The following VPS13A variants were observed in gnomAD, a reference collection of about 807,000 sequenced individuals.
VPS13A encodes the protein intermembrane lipid transfer protein VPS13A.
VPS13A carries 264 observed loss-of-function variants against 390.9 expected under a neutral mutation model. The ratio of observed to expected loss-of-function variants is 0.68; its 90% CI spans 0.61 to 0.75. The LOEUF (loss-of-function observed/expected upper bound fraction) is 0.75. Ranked by LOEUF, VPS13A falls within the 30% of genes least tolerant of loss-of-function variation. The pLI is 0.00. For missense variants in VPS13A, 3,409 were observed against 3,733.9 expected (o/e 0.91, Z 2.27); for synonymous variants, 1,231 against 1,227.1 (o/e 1.00, Z -0.07).
At chr9:77,296,203 T>C (rs775590538) in intron 33 of VPS13A, among the ~76,000 whole-genome samples, 13 of 152,224 alleles carry the variant, frequency 8.5e-5, no homozygotes, top group Non-Finnish European at 1.6e-4. Flanking sequence ...ATTATCATCT[T>C]ATCTTCTCTG....
chr9:77,375,056 A>G (rs1024866873), intron 67 of VPS13A, among the ~76,000 whole-genome samples: 13 of 152,162 alleles, frequency 8.5e-5, no homozygotes, highest in African/African-American at 3.1e-4. Context: ...TTTAAGTTTC[A>G]TAAATATAAT....
chr9:77,238,145 A>G lies in VPS13A; in HGVS notation c.1739A>G (p.Gln580Arg). Residue 580 changes from glutamine (Q) to arginine (R), a missense_variant, in exon 18 of 72, where the codon CAG becomes CGG. Transcript: ENST00000360280. ...AATCCATTAGATGAAACTGTTTCTCAGAGGTGTATCATAGAAGCTGAACCT... is the reference window on the plus strand; with the variant it reads ...AATCCATTAGATGAAACTGTTTCTCGGAGGTGTATCATAGAAGCTGAACCT... ...EINPLDETVS[Q>R]RCIIEAEPLE... 1 of 1,613,840 alleles carries G rather than the reference A, an allele frequency of 6.2e-7. No individual in the cohort carries two copies. Among genetic ancestry groups the G allele is most frequent in the African/African-American group, 1.3e-5 (1 of 75,050 alleles).
intron 35 of VPS13A, among the ~76,000 whole-genome samples, chr9:77,311,270 C>T (rs1829060358): frequency 6.6e-6 from 1 of 152,156 alleles, no homozygotes; most frequent in Admixed American, 6.5e-5. Context: ...ACTGCCCACA[C>T]TCTGCTCTTC....
chr9:77,199,380 G>T (rs1205698822), intron 1 of VPS13A, among the ~76,000 whole-genome samples: 1 of 152,000 alleles, frequency 6.6e-6, no homozygotes, highest in Non-Finnish European at 1.5e-5. Context: ...TTACGATGGG[G>T]TTACATGTAA....
Position 77,353,397 on chromosome 9 carries a change from G to GTT in VPS13A, c.7420-9_7420-8dup. ...TTTTGGTTTTTTTTTTTTTTTGGTG[G>GTT]TTTTATTCTAGGATATGATGATGCC... On this transcript the variant is annotated splice_polypyrimidine_tract_variant and intron_variant, in intron 53 of 71. Transcript: ENST00000360280. The GTT allele has an allele frequency of 3.3e-6, 5 of 1,538,136 alleles. No individual in the cohort carries two copies. Among genetic ancestry groups the GTT allele is most frequent in the South Asian group, 1.2e-5 (1 of 80,396 alleles).
chr9:77,373,073 C>T (rs1473259939), intron 67 of VPS13A, among the ~76,000 whole-genome samples: 5 of 152,108 alleles, frequency 3.3e-5, no homozygotes, highest in Admixed American at 1.3e-4. Context: ...AGGTAATTTA[C>T]AGATTCAGTG....
chr9:77,417,568 T>TTCTC lies in VPS13A; in HGVS notation c.*1564_*1567dup. 6.6e-6 allele frequency: 1 copy of TTCTC among 152,312 alleles called. No homozygotes were observed. Among genetic ancestry groups the TTCTC allele is most frequent in the Admixed American group, 6.5e-5 (1 of 15,294 alleles). The allele number at this position is 152,312 out of a possible 1,614,324, so 9.4% of individuals were successfully genotyped here. On this transcript the variant is annotated 3_prime_UTR_variant, in exon 72 of 72. Coordinates refer to ENST00000360280, the MANE Select transcript of VPS13A (RefSeq NM_033305.3). ...TTAAAAAAAAAAAAAAGTGCTTATT[T>TTCTC]TCTCTGTCGCTAAGCTCCTCCAGTT... is the stretch of plus-strand genomic sequence containing the variant.
chr9:77,368,098 G>T lies in VPS13A; in HGVS notation c.8515G>T (p.Asp2839Tyr). ...ELNYQFHTTSDLQSEVIRHYS... is the reference protein window; with the variant it reads ...ELNYQFHTTSYLQSEVIRHYS... ...CAACTATCAGTTCCATACAACATCC[G>T]ATCTACAGTCTGAAGTCATAAGACA... Residue 2839 changes from aspartate to tyrosine, a missense_variant, in exon 62 of 72, where the codon GAT becomes TAT. Asp to Tyr is a radical substitution (Grantham distance 160). Transcript: ENST00000360280. The T allele has an allele frequency of 6.2e-7, 1 of 1,612,314 alleles. No individual in the cohort carries two copies. The highest frequency in any genetic ancestry group is 8.5e-7 in the Non-Finnish European group (1 of 1,179,468).
intron 46 of VPS13A, among the ~76,000 whole-genome samples, chr9:77,332,564 G>C (rs182923571): frequency 1.2e-4 from 18 of 151,626 alleles, no homozygotes; most frequent in Middle Eastern, 3.5e-3. Flanking sequence ...AATATAAATA[G>C]AAGTATATAC....
intron 64 of VPS13A, 23 bp from the exon 65 acceptor site, chr9:77,370,392 T>A: frequency 6.2e-7 from 1 of 1,614,156 alleles, no homozygotes; most frequent in Non-Finnish European, 8.5e-7. Context: ...ATCATTACTT[T>A]TACTAAAGAT....
chr9:77,369,477 C>CT, intron 63 of VPS13A, 65 bp downstream of exon 63: 1 of 1,094,008 alleles, frequency 9.1e-7, no homozygotes, highest in Non-Finnish European at 1.4e-6. Context: ...TAATACTTTT[C>CT]TATTGTTAAG....
At chr9:77,214,497 T>A (rs1822742782) in intron 10 of VPS13A, 111 bp downstream of exon 10, 1 of 759,798 alleles carries the variant, frequency 1.3e-6, no homozygotes, top group South Asian at 1.6e-5. Flanking sequence ...TTCTATATAG[T>A]TAAATGTATT....
chr9:77,321,875 T>C lies in VPS13A; in HGVS notation c.5830+129T>C, dbSNP rs1829771118. The C allele has an allele frequency of 2.8e-6, 3 of 1,089,242 alleles. No homozygotes were observed. The Admixed American group carries it at 7.5e-5, about 27-fold the overall frequency. The allele number at this position is 1,089,242 out of a possible 1,614,324, so 67.5% of individuals were successfully genotyped here. ...TTGTTTTTGTTTTTTTAAAATATCC[T>C]TTCTAATAGGTCAAGAACTGTTTTT... On this transcript the variant is annotated intron_variant, in intron 44 of 71. Transcript: ENST00000360280.
In VPS13A at chr9:77,356,859, A is replaced by G. The variant is rs1831813963; in HGVS notation, c.7798A>G (p.Asn2600Asp). 4 of 1,613,608 alleles carry G rather than the reference A, an allele frequency of 2.5e-6. No homozygotes were observed. The highest frequency in any genetic ancestry group is 1.7e-6 in the Non-Finnish European group (2 of 1,179,890). The change falls in exon 55 of 72, where the codon AAT becomes GAT. Residue 2600 changes from asparagine (N) to aspartate (D), a missense_variant. Transcript: ENST00000360280. ...SEDKVIQLDT[N>D]VPVRLTPTGH... ...AGATAAGGTTATTCAGTTGGACACTAATGTTCCGGTAATATTTTTAAGTAC... is the reference window on the plus strand; with the variant it reads ...AGATAAGGTTATTCAGTTGGACACTGATGTTCCGGTAATATTTTTAAGTAC...
intron 20 of VPS13A, among the ~76,000 whole-genome samples, chr9:77,247,700 G>A (rs1333548379): frequency 5.9e-5 from 9 of 152,172 alleles, no homozygotes; most frequent in Admixed American, 2.0e-4. Flanking sequence ...TCACTCTGTC[G>A]CCCAGGCTGG....
chr9:77,403,367 G>T (rs1410364075), intron 69 of VPS13A, 46 bp downstream of exon 69: 4 of 1,443,092 alleles, frequency 2.8e-6, no homozygotes, highest in Non-Finnish European at 3.9e-6. Context: ...GGGGTTAACT[G>T]ACAGCGACTC....
In VPS13A at chr9:77,199,991, A is replaced by T; in HGVS notation, c.144+3A>T. 6.2e-7 allele frequency: 1 copy of T among 1,607,160 alleles called. No individual in the cohort carries two copies. Among genetic ancestry groups the T allele is most frequent in the South Asian group, 1.1e-5 (1 of 89,584 alleles). ...TTCAAATTAAAGAAAATGCCCTGGT[A>T]GGTTTTGACTATGAAAAATTTGTAA... On this transcript the variant is annotated splice_donor_region_variant and intron_variant, in intron 2 of 71. Transcript: ENST00000360280.
At chr9:77,332,645 A>G (rs1830336512) in intron 46 of VPS13A, among the ~76,000 whole-genome samples, 1 of 152,126 alleles carries the variant, frequency 6.6e-6, no homozygotes, top group African/African-American at 2.4e-5. Flanking sequence ...TAAAATTATA[A>G]CAAAATATGA....
In VPS13A at chr9:77,250,071, T is replaced by C. The variant is rs368303588; in HGVS notation, c.2038-26T>C. 35 of 1,612,432 alleles carry C rather than the reference T, an allele frequency of 2.2e-5. No homozygotes were observed. The South Asian group carries it at 3.2e-4, about 15-fold the overall frequency. ...TTACATTTTGAAGTATTTTGCATAG[T>C]CTAAACTATTAAAATTAACTTGAAG... is the stretch of plus-strand genomic sequence containing the variant. On this transcript the variant is annotated intron_variant, in intron 20 of 71. Transcript: ENST00000360280.
Sources: allele counts gnomAD v4.1 joint callset (sites outside exome capture counted in the v4.1 genomes callset), GRCh38; gene constraint gnomAD v4.1.1; transcripts MANE v1.5; gene names NCBI Gene and HGNC (gene_info 2026-07-23, HGNC 2026-07-21).